The following ICA1 variants were observed in gnomAD, a reference collection of about 807,000 sequenced individuals.
ICA1 encodes islet cell autoantigen 1, also known as 69 kDa islet cell autoantigen.
ICA1 carries 40 observed loss-of-function variants against 71.0 expected under a neutral mutation model. That is an observed-to-expected ratio of 0.56 (90% CI 0.44 to 0.73). The LOEUF is 0.73. Among genes scored for constraint, ICA1 ranks in the 30% least tolerant of loss-of-function variants. The pLI is 0.00. For missense variants in ICA1, 578 were observed against 576.5 expected (o/e 1.00, Z -0.03); for synonymous variants, 207 against 209.5 (o/e 0.99, Z 0.10).
chr7:8,148,916 G>A (rs1473266983), intron 8 of ICA1, among the ~76,000 whole-genome samples: 2 of 152,156 alleles, frequency 1.3e-5, no homozygotes, highest in African/African-American at 4.8e-5. Context: ...GTCAGATACA[G>A]GATATTCTCT....
chr7:8,191,772 CTTTT>C (rs990031761), intron 6 of ICA1, among the ~76,000 whole-genome samples: 16 of 151,808 alleles, frequency 1.1e-4, no homozygotes, highest in African/African-American at 3.6e-4. Flanking sequence ...ACTAATGTCA[CTTTT>C]TTCAGTGCCA....
intron 6 of ICA1, among the ~76,000 whole-genome samples, chr7:8,165,379 G>T (rs939990522): frequency 6.6e-6 from 1 of 152,178 alleles, no homozygotes; most frequent in Admixed American, 6.5e-5. Context: ...GTAGACTTCA[G>T]GATCTATTTT....
intron 3 of ICA1, 139 bp downstream of exon 3, chr7:8,232,451 T>C (rs1800553878): frequency 1.7e-6 from 1 of 585,838 alleles, no homozygotes. Flanking sequence ...ATAAATATGC[T>C]GGGATTGAGT....
At chr7:8,246,381 C>T (rs1377374322) in intron 1 of ICA1, among the ~76,000 whole-genome samples, 1 of 152,092 alleles carries the variant, frequency 6.6e-6, no homozygotes, top group Non-Finnish European at 1.5e-5. Context: ...GATATAACAA[C>T]CTGGGGAGTG....
At position 8,113,721 on chromosome 7, in the gene ICA1, G is replaced by T; in HGVS notation, c.*202C>A. 1.9e-6 allele frequency: 1 copy of T among 533,230 alleles called. No individual in the cohort carries two copies. Among genetic ancestry groups the T allele is most frequent in the Non-Finnish European group, 3.3e-6 (1 of 302,678 alleles). 33.0% of individuals were successfully genotyped at this position (533,230 alleles called of 1,614,324 possible). The stretch of plus-strand genomic sequence containing the variant: ...CTTCTAGACAATCCTGTATTATTTA[G>T]ATCCACATAGAGATACACGAAAACC... On this transcript the variant is annotated 3_prime_UTR_variant, in exon 14 of 14. Transcript: ENST00000402384. This position sits in a 1 kb window ranked among gnomAD's most constrained non-coding sequence, Gnocchi z 4.2.
rs115782643 is a variant in ICA1 at position 8,222,517 on chromosome 7, C to G, written c.257-1119G>C. On this transcript the variant is annotated intron_variant, in intron 4 of 13. Transcript: ENST00000402384. This position sits in a 1 kb window ranked among gnomAD's most constrained non-coding sequence, Gnocchi z 4.8. ...CCAGTCACTTTTCTTTAAGAATGCA[C>G]CCCCATTCCTGACATAATCTCACTA... Among the ~76,000 whole-genome samples the G allele has an allele frequency of 4.8e-3, 730 of 152,260 alleles. 7 individuals are homozygous for G. Among genetic ancestry groups the G allele is most frequent in the African/African-American group, 0.017 (694 of 41,544 alleles).
At chr7:8,176,970 C>A (rs897697349) in intron 6 of ICA1, among the ~76,000 whole-genome samples, 11 of 152,194 alleles carry the variant, frequency 7.2e-5, no homozygotes, top group African/African-American at 2.7e-4. Flanking sequence ...CTCAATTACA[C>A]CAAATCTCCG....
In ICA1 at chr7:8,113,910, G is replaced by T. The variant is rs781658034; in HGVS notation, c.*13C>A. On this transcript the variant is annotated 3_prime_UTR_variant, in exon 14 of 14. Transcript: ENST00000402384. This position sits in a 1 kb window ranked among gnomAD's most constrained non-coding sequence, Gnocchi z 4.2. ...GGGGGCGGCATGTGAGTGCCCTCCC[G>T]AAGGGTACAGATTCATGCATTGAGC... is the stretch of plus-strand genomic sequence containing the variant. 1 of 1,613,946 alleles carries T rather than the reference G, an allele frequency of 6.2e-7. No homozygotes were observed. The highest frequency in any genetic ancestry group is 1.7e-5 in the Admixed American group (1 of 59,984).
chr7:8,221,098 TG>T (rs1244964919), intron 5 of ICA1, among the ~76,000 whole-genome samples, 176 bp downstream of exon 5: 1 of 152,088 alleles, frequency 6.6e-6, no homozygotes, highest in Non-Finnish European at 1.5e-5. Context: ...AAAAATCCTA[TG>T]TGTTAATCTT....
chr7:8,235,447 T>A (rs187913321), intron 2 of ICA1, among the ~76,000 whole-genome samples: 1 of 152,326 alleles, frequency 6.6e-6, no homozygotes, highest in East Asian at 1.9e-4. Flanking sequence ...TTGACAATAA[T>A]TGGCTCCTGA....
At position 8,165,971 on chromosome 7, in the gene ICA1, C is replaced by G. The variant is rs1805805631; in HGVS notation, c.580-7319G>C. Reference sequence around the variant, plus strand: ...AAGCAATCACAGGTTCAATGCTATTCCTATAAAACTACCAATGCCATTCGT... The same window carrying G: ...AAGCAATCACAGGTTCAATGCTATTGCTATAAAACTACCAATGCCATTCGT... On this transcript the variant is annotated intron_variant, in intron 6 of 13. Coordinates refer to ENST00000402384, the MANE Select transcript of ICA1 (RefSeq NM_001136020.3). Among the ~76,000 whole-genome samples the G allele has an allele frequency of 2.0e-5, 3 of 152,228 alleles. No individual in the cohort carries two copies. The South Asian group carries it at 6.2e-4, about 32-fold the overall frequency.
intron 12 of ICA1, among the ~76,000 whole-genome samples, chr7:8,134,379 A>C (rs1792577535): frequency 6.6e-6 from 1 of 152,208 alleles, no homozygotes; most frequent in African/African-American, 2.4e-5. Flanking sequence ...TTTTGAACTC[A>C]TACTGAGTTT....
chr7:8,155,019 G>A (rs13225396), intron 8 of ICA1, among the ~76,000 whole-genome samples: 54,784 of 152,022 alleles, frequency 0.36, 10,113 homozygotes, highest in African/African-American at 0.45. Context: ...GAACCAACCT[G>A]ATAATTATCT....
At chr7:8,247,732 C>A (rs969719635) in intron 1 of ICA1, among the ~76,000 whole-genome samples, 11 of 152,208 alleles carry the variant, frequency 7.2e-5, no homozygotes, top group Non-Finnish European at 1.6e-4. Flanking sequence ...CTGGCTTCCA[C>A]TGCAATGAAC....
In ICA1 at chr7:8,218,315, T is replaced by G. The variant is rs374280842; in HGVS notation, c.569A>C (p.Lys190Thr). ...LDPDLYKQME[K>T]FRKVQTQVRL... Reference sequence around the variant, plus strand: ...CATAAAACCTCCTACCTTCCTGAACTTCTCCATTTGCTTGTAGAGGTCTGG... The same window carrying G: ...CATAAAACCTCCTACCTTCCTGAACGTCTCCATTTGCTTGTAGAGGTCTGG... The change falls in exon 6 of 14, where the codon AAG becomes ACG. Residue 190 changes from lysine (K) to threonine (T), a missense_variant. Physicochemically the swap from Lys to Thr is moderately conservative, Grantham distance 78. Coordinates refer to ENST00000402384, the MANE Select transcript of ICA1 (RefSeq NM_001136020.3). The G allele has an allele frequency of 1.8e-5, 29 of 1,614,140 alleles. No homozygotes were observed. The highest frequency in any genetic ancestry group is 8.9e-5 in the East Asian group (4 of 44,888).
intron 6 of ICA1, among the ~76,000 whole-genome samples, chr7:8,161,323 G>C (rs1227702552): frequency 6.6e-6 from 1 of 152,170 alleles, no homozygotes. Flanking sequence ...ATAGAACTAA[G>C]AGGAACAGAG....
chr7:8,212,209 G>T (rs1794018134), intron 6 of ICA1, among the ~76,000 whole-genome samples: 1 of 152,088 alleles, frequency 6.6e-6, no homozygotes, highest in South Asian at 2.1e-4. Context: ...ATTGAAAAAA[G>T]TACATGTCAG....
At chr7:8,239,437 C>T (rs978952854) in intron 1 of ICA1, among the ~76,000 whole-genome samples, 35 of 152,186 alleles carry the variant, frequency 2.3e-4, no homozygotes, top group Non-Finnish European at 4.3e-4. Flanking sequence ...CATTCCAAGA[C>T]GGCCGAATAG....
intron 6 of ICA1, among the ~76,000 whole-genome samples, chr7:8,178,152 C>T (rs1347271139): frequency 6.6e-6 from 1 of 152,128 alleles, no homozygotes; most frequent in Admixed American, 6.5e-5. Context: ...TGTAAGTTCC[C>T]AGTGTTCATC....
Sources: gnomAD v4.1 joint callset for allele counts (sites outside exome capture counted in the v4.1 genomes callset) on GRCh38, gnomAD v4.1.1 for gene constraint, Gnocchi (gnomAD v3.1) non-coding constraint, MANE v1.5 for transcripts, NCBI Gene and HGNC (gene_info 2026-07-23, HGNC 2026-07-21) for gene names.